CTIF: variants seen among roughly 807,000 people sequenced by gnomAD.
CTIF encodes CBP80/20-dependent translation initiation factor.
Under a neutral mutation model 66.0 loss-of-function variants are expected in CTIF, and 21 were observed. The observed-to-expected ratio is 0.32, with a 90% CI of 0.23 to 0.46. CTIF has a LOEUF of 0.46. CTIF is among the 20% of genes least tolerant of loss of function. The pLI is 1.00. For missense variants in CTIF, 739 were observed against 812.7 expected (o/e 0.91, Z 1.10); for synonymous variants, 345 against 326.4 (o/e 1.06, Z -0.62).
At chr18:48,842,164 C>T (rs1299253252) in intron 10 of CTIF, among the ~76,000 whole-genome samples, 3 of 152,136 alleles carry the variant, frequency 2.0e-5, no homozygotes, top group Admixed American at 2.0e-4. Context: ...TGTCAGTCAA[C>T]TGAAACGTCT....
chr18:48,823,092 A>G (rs1260728042), intron 10 of CTIF, among the ~76,000 whole-genome samples: 2 of 151,892 alleles, frequency 1.3e-5, no homozygotes, highest in East Asian at 1.9e-4. Context: ...GTTTGCAAAT[A>G]TTTTCTCCTG....
chr18:48,548,280 C>T (rs2088802604), intron 1 of CTIF, among the ~76,000 whole-genome samples: 1 of 152,212 alleles, frequency 6.6e-6, no homozygotes, highest in South Asian at 2.1e-4. Context: ...TGGGAACACA[C>T]AGGCCTGTCC....
chr18:48,638,515 C>T (rs1461767491), intron 3 of CTIF, among the ~76,000 whole-genome samples: 1 of 152,096 alleles, frequency 6.6e-6, no homozygotes, highest in East Asian at 1.9e-4. Flanking sequence ...CCTCACCTCC[C>T]GCACCCAGCT....
chr18:48,607,054 C>T, intron 1 of CTIF, among the ~76,000 whole-genome samples: 1 of 148,582 alleles, frequency 6.7e-6, no homozygotes, highest in East Asian at 2.2e-4. Flanking sequence ...AACCAACAAT[C>T]TGTGGGGAAT....
chr18:48,794,558 G>C (rs534976586), intron 9 of CTIF, among the ~76,000 whole-genome samples: 6 of 152,284 alleles, frequency 3.9e-5, no homozygotes, highest in Non-Finnish European at 8.8e-5. Context: ...CATTTCAGTA[G>C]CCAACTGCCT....
At position 48,857,573 on chromosome 18, in the gene CTIF, C is replaced by T; in HGVS notation, c.1528-15C>T. On this transcript the variant is annotated splice_polypyrimidine_tract_variant and intron_variant, in intron 10 of 11. Transcript: ENST00000256413. Reference sequence around the variant, plus strand: ...TGTCTCCTTCAGTGGTGCTCTCTGCCCCTCTCTTCCACAGCTCTTGCAATC... The same window carrying T: ...TGTCTCCTTCAGTGGTGCTCTCTGCTCCTCTCTTCCACAGCTCTTGCAATC... 6.2e-7 allele frequency: 1 copy of T among 1,606,434 alleles called. No individual in the cohort carries two copies. The highest frequency in any genetic ancestry group is 1.3e-5 in the African/African-American group (1 of 74,728).
intron 1 of CTIF, among the ~76,000 whole-genome samples, chr18:48,593,530 T>C (rs1485809904): frequency 1.3e-5 from 2 of 151,770 alleles, no homozygotes; most frequent in South Asian, 2.1e-4. Flanking sequence ...TACAGGCGCC[T>C]GCCACAATGC....
intron 11 of CTIF, among the ~76,000 whole-genome samples, 164 bp from the exon 12 acceptor site, chr18:48,859,180 C>T (rs537988147): frequency 9.8e-5 from 15 of 152,294 alleles, no homozygotes; most frequent in Admixed American, 3.3e-4. Context: ...TTGGCTACTC[C>T]ACCTTCCACT....
chr18:48,612,143 C>T (rs925349669), intron 1 of CTIF, among the ~76,000 whole-genome samples: 1 of 152,236 alleles, frequency 6.6e-6, no homozygotes, highest in African/African-American at 2.4e-5. Flanking sequence ...TGGCAAACAC[C>T]AACATGGTTG....
chr18:48,775,219 T>C (rs979306903), intron 9 of CTIF, among the ~76,000 whole-genome samples: 1 of 152,226 alleles, frequency 6.6e-6, no homozygotes, highest in African/African-American at 2.4e-5. Flanking sequence ...GGGGTCATAA[T>C]ACCCATCTCC....
chr18:48,544,789 G>T (rs2088706406), intron 1 of CTIF, among the ~76,000 whole-genome samples: 1 of 152,222 alleles, frequency 6.6e-6, no homozygotes, highest in South Asian at 2.1e-4. Flanking sequence ...CCTGCAGTCG[G>T]TGCGAGCTTC....
chr18:48,650,562 C>G (rs560675390), intron 3 of CTIF, among the ~76,000 whole-genome samples: 13 of 152,260 alleles, frequency 8.5e-5, no homozygotes, highest in African/African-American at 3.1e-4. Flanking sequence ...AGGATATTAT[C>G]CAGGAGAACT....
At position 48,732,843 on chromosome 18, in the gene CTIF, A is replaced by AG. The variant is rs1411239961; in HGVS notation, c.584+21150dup. ...GGGTCTCCAATTTGTGCAAGGCAGG[A>AG]GGAGGCACATGTCACTGATGTGAGA... On this transcript the variant is annotated intron_variant, in intron 7 of 11. Transcript: ENST00000256413. 2.0e-5 allele frequency among the ~76,000 whole-genome samples: 3 copies of AG among 152,208 alleles called. No homozygotes were observed. The East Asian group carries it at 5.8e-4, about 29-fold the overall frequency.
chr18:48,599,120 GGAAAGGCCTGGC>G (rs1183492186), intron 1 of CTIF, among the ~76,000 whole-genome samples: 1 of 152,154 alleles, frequency 6.6e-6, no homozygotes, highest in Non-Finnish European at 1.5e-5. Context: ...CATGGGTGTT[GGAAAGGCCTGGC>G]GAACTGTAAA....
chr18:48,758,492 C>G (rs1278148005), intron 8 of CTIF, 87 bp downstream of exon 8: 1 of 1,479,722 alleles, frequency 6.8e-7, no homozygotes, highest in Non-Finnish European at 9.0e-7. Flanking sequence ...CAGTGCAGAG[C>G]CTTGTGGGTT....
chr18:48,613,353 C>T (rs570247781), intron 1 of CTIF, among the ~76,000 whole-genome samples: 3 of 152,148 alleles, frequency 2.0e-5, no homozygotes, highest in South Asian at 4.1e-4. Context: ...GACTGGCAAC[C>T]GACCATCTCA....
chr18:48,656,307 T>C (rs1331091659), intron 3 of CTIF, among the ~76,000 whole-genome samples: 2 of 152,258 alleles, frequency 1.3e-5, no homozygotes, highest in South Asian at 2.1e-4. Flanking sequence ...ACACTGTCTG[T>C]GCTCCCATCC....
intron 7 of CTIF, among the ~76,000 whole-genome samples, chr18:48,751,698 C>T (rs1907831067): frequency 6.6e-6 from 1 of 152,198 alleles, no homozygotes; most frequent in Non-Finnish European, 1.5e-5. Flanking sequence ...AAGGCTCCTG[C>T]TCAGGTCTGG....
At chr18:48,644,759 G>T (rs2090995207) in intron 3 of CTIF, among the ~76,000 whole-genome samples, 1 of 152,206 alleles carries the variant, frequency 6.6e-6, no homozygotes, top group Non-Finnish European at 1.5e-5. Flanking sequence ...GTATGGGGAG[G>T]AGTAGGCTGG....
Sources: gnomAD v4.1 joint callset for allele counts (sites outside exome capture counted in the v4.1 genomes callset) on GRCh38, gnomAD v4.1.1 for gene constraint, MANE v1.5 for transcripts, NCBI Gene and HGNC (gene_info 2026-07-23, HGNC 2026-07-21) for gene names.